GLI2: variants seen among roughly 807,000 people sequenced by gnomAD.
The protein encoded by GLI2 is transcription activator GLI2.
Under a neutral mutation model 78.9 loss-of-function variants are expected in GLI2, and 22 were observed. The ratio of observed to expected loss-of-function variants is 0.28; its 90% confidence interval spans 0.20 to 0.40. The LOEUF is 0.40. Among genes scored for constraint, GLI2 ranks in the 10% least tolerant of loss-of-function variants. The pLI is 1.00. For missense variants in GLI2, 2,097 were observed against 2,213.2 expected (o/e 0.95, Z 1.05); for synonymous variants, 974 against 963.7 (o/e 1.01, Z -0.20).
chr2:120,868,285 G>A (rs188017901), intron 2 of GLI2, among the ~76,000 whole-genome samples: 18 of 140,160 alleles, frequency 1.3e-4, no homozygotes, highest in African/African-American at 5.4e-4. Flanking sequence ...CTGTTTTCGC[G>A]TGAGGAATGA....
At chr2:120,921,759 G>A (rs1679391986) in intron 2 of GLI2, among the ~76,000 whole-genome samples, 1 of 152,158 alleles carries the variant, frequency 6.6e-6, no homozygotes, top group African/African-American at 2.4e-5. Flanking sequence ...CTTCCCAGGG[G>A]CTTCCCAGAT....
At chr2:120,877,349 C>T (rs1688805520) in intron 2 of GLI2, among the ~76,000 whole-genome samples, 1 of 152,174 alleles carries the variant, frequency 6.6e-6, no homozygotes, top group Non-Finnish European at 1.5e-5. Context: ...TCAAAATGGC[C>T]ACGCATCCTT....
chr2:120,885,759 G>C (rs1379301927), intron 2 of GLI2, among the ~76,000 whole-genome samples: 1 of 152,180 alleles, frequency 6.6e-6, no homozygotes, highest in African/African-American at 2.4e-5. Flanking sequence ...TCTGTACTTG[G>C]AGTTGGAGGA....
intron 2 of GLI2, among the ~76,000 whole-genome samples, chr2:120,865,127 G>A (rs1414150347): frequency 1.3e-5 from 2 of 152,154 alleles, no homozygotes; most frequent in Non-Finnish European, 2.9e-5. Context: ...TCCGGGGCTG[G>A]GGAGCCCGAG....
intron 9 of GLI2, among the ~76,000 whole-genome samples, chr2:120,978,154 C>CAGT (rs1321245984): frequency 6.6e-6 from 1 of 152,188 alleles, no homozygotes; most frequent in African/African-American, 2.4e-5. Flanking sequence ...AAGCGGCACG[C>CAGT]AGTAGGCCTT....
At chr2:120,867,128 C>T (rs1486951509) in intron 2 of GLI2, 3 of 152,324 alleles carry the variant, frequency 2.0e-5, no homozygotes, top group Non-Finnish European at 2.9e-5. Flanking sequence ...CTGCCTAGTC[C>T]ACATGGCCCC....
chr2:120,840,376 T>C (rs1357470399), intron 2 of GLI2, among the ~76,000 whole-genome samples: 2 of 152,252 alleles, frequency 1.3e-5, no homozygotes, highest in African/African-American at 4.8e-5. Flanking sequence ...TGGTATCTGG[T>C]GACTCTTGTG....
chr2:120,768,761 C>T (rs1460437896), intron 1 of GLI2, among the ~76,000 whole-genome samples: 1 of 152,008 alleles, frequency 6.6e-6, no homozygotes, highest in Non-Finnish European at 1.5e-5. Context: ...ATGTCAGGGA[C>T]TGGGTCAGCC....
chr2:120,768,278 C>T (rs1419432974), intron 1 of GLI2, among the ~76,000 whole-genome samples: 3 of 152,090 alleles, frequency 2.0e-5, no homozygotes, highest in East Asian at 1.9e-4. Context: ...CGGACTTATC[C>T]CCGTCTCAGA....
Position 120,986,368 on chromosome 2 carries a change from A to C in GLI2, c.1996A>C (p.Met666Leu). The C allele has an allele frequency of 6.2e-7, 1 of 1,613,580 alleles. No individual in the cohort carries two copies. Among genetic ancestry groups the C allele is most frequent in the Non-Finnish European group, 8.5e-7 (1 of 1,179,952 alleles). ...CCCCAACAATGACAGTGGCGTGGAG[A>C]TGCCGGGGACGGGGCCCGGGAGCCT... ...SAPNNDSGVE[M>L]PGTGPGSLGD... Residue 666 changes from methionine to leucine, a missense_variant, in exon 13 of 14, where the codon ATG becomes CTG. By Grantham distance (15) the Met-to-Leu change is conservative (BLOSUM62 2). Coordinates refer to ENST00000361492, the MANE Select transcript of GLI2 (RefSeq NM_001374353.1).
intron 2 of GLI2, among the ~76,000 whole-genome samples, chr2:120,871,938 T>G (rs2104678630): frequency 6.6e-6 from 1 of 152,298 alleles, no homozygotes; most frequent in Admixed American, 6.5e-5. Context: ...CTGAGAGTTG[T>G]GGCCCTTCCC....
intron 2 of GLI2, among the ~76,000 whole-genome samples, chr2:120,875,306 G>C (rs1688680039): frequency 6.6e-6 from 1 of 152,232 alleles, no homozygotes; most frequent in South Asian, 2.1e-4. Flanking sequence ...TGGAAAAGTG[G>C]ACCACATCTA....
At chr2:120,896,222 C>A (rs749924102) in intron 2 of GLI2, among the ~76,000 whole-genome samples, 1 of 152,118 alleles carries the variant, frequency 6.6e-6, no homozygotes, top group Non-Finnish European at 1.5e-5. Flanking sequence ...TTCTTTCCCC[C>A]ACCCTCTCTC....
chr2:120,745,730 G>C (rs1386916650), intron 1 of GLI2, among the ~76,000 whole-genome samples: 1 of 152,184 alleles, frequency 6.6e-6, no homozygotes, highest in Non-Finnish European at 1.5e-5. Context: ...AGAGTGCATG[G>C]AAGAACACAC....
chr2:120,934,219 C>T (rs1369480818), intron 3 of GLI2, among the ~76,000 whole-genome samples: 1 of 152,226 alleles, frequency 6.6e-6, no homozygotes, highest in African/African-American at 2.4e-5. Context: ...CGCCAAAACA[C>T]GGGTTGTTAA....
intron 3 of GLI2, among the ~76,000 whole-genome samples, chr2:120,928,729 G>A (rs1679811230): frequency 6.6e-6 from 1 of 152,094 alleles, no homozygotes; most frequent in Admixed American, 6.5e-5. Context: ...AGCAAACCTG[G>A]GACTTCTACT....
chr2:120,923,644 C>T lies in GLI2; in HGVS notation c.149-3717C>T, dbSNP rs183363166. ...CACACCACATGCACATACACAGCAA[C>T]GCACATACACATACAACACACATGC... On this transcript the variant is annotated intron_variant, in intron 2 of 13. Transcript: ENST00000361492. 5.8e-3 allele frequency among the ~76,000 whole-genome samples: 883 copies of T among 152,120 alleles called. 5 individuals are homozygous for T. The highest frequency in any genetic ancestry group is 9.0e-3 in the Non-Finnish European group (613 of 67,998).
intron 1 of GLI2, among the ~76,000 whole-genome samples, chr2:120,777,702 G>A (rs185993766): frequency 6.7e-6 from 1 of 149,922 alleles, no homozygotes; most frequent in Admixed American, 6.6e-5. Flanking sequence ...TTGGATCCCA[G>A]GCGGGGGTGC....
At chr2:120,914,453 G>A (rs551291351) in intron 2 of GLI2, among the ~76,000 whole-genome samples, 1 of 152,366 alleles carries the variant, frequency 6.6e-6, no homozygotes, top group South Asian at 2.1e-4. Flanking sequence ...CAGTGGGGAG[G>A]CTGCACACTA....
Sources: gnomAD v4.1 joint callset for allele counts (sites outside exome capture counted in the v4.1 genomes callset) on GRCh38, gnomAD v4.1.1 for gene constraint, MANE v1.5 for transcripts, NCBI Gene and HGNC (gene_info 2026-07-23, HGNC 2026-07-21) for gene names.